UNC80: variants seen among roughly 807,000 people sequenced by gnomAD.
The protein encoded by UNC80 is unc-80 subunit of NALCN channel complex, also known as protein unc-80 homolog.
Under a neutral mutation model 384.6 loss-of-function variants are expected in UNC80, and 164 were observed. The observed-to-expected ratio is 0.43, with a 90% CI of 0.38 to 0.49. UNC80 has a LOEUF of 0.49. Among genes scored for constraint, UNC80 ranks in the 20% least tolerant of loss-of-function variants. The pLI, the probability that UNC80 is intolerant of heterozygous loss-of-function variation, is 0.00. For missense variants in UNC80, 3,330 were observed against 4,143.0 expected, an observed-to-expected ratio of 0.80 and a Z score of 5.39; for synonymous variants, 1,486 against 1,527.8, an observed-to-expected ratio of 0.97 and a Z score of 0.64.
At chr2:209,977,209 T>A in intron 58 of UNC80, 131 bp downstream of exon 58, 1 of 903,440 alleles carries the variant, frequency 1.1e-6, no homozygotes, top group South Asian at 5.1e-5. Context: ...CACTGTTAGA[T>A]TTGACCATTT....
Position 209,971,059 on chromosome 2 carries a change from G to GT in UNC80, c.8256+102_8256+103insT. Reference sequence around the variant, plus strand: ...TCTGCAAAGGCTGGGCAAAATCTGTGAAACAAAAGTGTAAACATCTCTAAA... The same window carrying GT: ...TCTGCAAAGGCTGGGCAAAATCTGTGTAAACAAAAGTGTAAACATCTCTAAA... On this transcript the variant is annotated intron_variant, in intron 54 of 64. Transcript: ENST00000673920. 4 of 1,420,564 alleles carry GT rather than the reference G, an allele frequency of 2.8e-6. No individual in the cohort carries two copies. The Middle Eastern group carries it at 5.6e-4, about 200-fold the overall frequency. The allele number at this position is 1,420,564 out of a possible 1,614,324, so 88.0% of individuals were successfully genotyped here.
chr2:209,877,839 G>T, intron 23 of UNC80, 115 bp from the exon 24 acceptor site: 1 of 1,208,980 alleles, frequency 8.3e-7, no homozygotes, highest in Non-Finnish European at 1.1e-6. Flanking sequence ...TACAGAAGAG[G>T]CTTATGCTGG....
chr2:209,926,804 T>C, intron 35 of UNC80, 39 bp from the exon 36 acceptor site: 2 of 1,549,988 alleles, frequency 1.3e-6, no homozygotes, highest in Non-Finnish European at 1.7e-6. Context: ...AAGAATTACG[T>C]TACTGAGAAA....
chr2:209,787,906 A>G (rs1265973973), intron 5 of UNC80, among the ~76,000 whole-genome samples: 5 of 152,230 alleles, frequency 3.3e-5, no homozygotes, highest in Non-Finnish European at 7.3e-5. Flanking sequence ...GAGATGTTCC[A>G]GAAGAAGGCA....
chr2:209,859,974 G>A (rs150942086), intron 22 of UNC80, among the ~76,000 whole-genome samples: 112 of 152,100 alleles, frequency 7.4e-4, no homozygotes, highest in African/African-American at 2.5e-3. Flanking sequence ...TTCTGTAGGT[G>A]GCTTGTTCAC....
chr2:209,842,566 A>C (rs80303500), intron 21 of UNC80, 120 bp downstream of exon 21: 3 of 747,066 alleles, frequency 4.0e-6, no homozygotes, highest in African/African-American at 3.5e-5. Context: ...TTTCTCATAC[A>C]TGCCTTTTAC....
intron 22 of UNC80, among the ~76,000 whole-genome samples, chr2:209,856,952 G>A (rs2082980142): frequency 2.0e-5 from 3 of 151,980 alleles, no homozygotes; most frequent in Admixed American, 1.3e-4. Context: ...ACCATGCCTG[G>A]CTAAGTTTTG....
intron 44 of UNC80, among the ~76,000 whole-genome samples, chr2:209,942,667 C>T (rs1409264193): frequency 6.6e-6 from 1 of 151,986 alleles, no homozygotes; most frequent in Non-Finnish European, 1.5e-5. Flanking sequence ...CTCTCTTCCT[C>T]ATTTTTAGAT....
rs147348992 is a variant in UNC80 at position 209,948,796 on chromosome 2, T to A, written c.7286+2853T>A. Among the ~76,000 whole-genome samples, 189 of 152,264 alleles carry A rather than the reference T, an allele frequency of 1.2e-3. 3 individuals are homozygous for A. The East Asian group carries it at 0.031, about 25-fold the overall frequency. On this transcript the variant is annotated intron_variant, in intron 47 of 64. Coordinates refer to ENST00000673920, the MANE Select transcript of UNC80 (RefSeq NM_001371986.1). ...ACTAAGAATAGTATTTGCTAAAGGA[T>A]TTTGTTGTAATATACCTGTAAAGAT...
At chr2:209,943,294 G>A in intron 44 of UNC80, 86 bp from the exon 45 acceptor site, 1 of 1,466,874 alleles carries the variant, frequency 6.8e-7, no homozygotes, top group South Asian at 1.4e-5. Flanking sequence ...TTCCCTCCAA[G>A]CTTCCCATGA....
chr2:209,851,365 G>T (rs1403547173), intron 22 of UNC80, among the ~76,000 whole-genome samples: 1 of 152,052 alleles, frequency 6.6e-6, no homozygotes, highest in Non-Finnish European at 1.5e-5. Flanking sequence ...GCACTCCTCA[G>T]CTCCTCCCTG....
chr2:209,951,432 G>A (rs112005227), intron 47 of UNC80: 15,281 of 151,712 alleles, frequency 0.1, 1,906 homozygotes, highest in African/African-American at 0.29. Flanking sequence ...CAAATAGCTG[G>A]GACTACAGGC....
chr2:209,789,682 A>G (rs2077671369), intron 6 of UNC80, 77 bp downstream of exon 6: 1 of 1,057,318 alleles, frequency 9.5e-7, no homozygotes, highest in Admixed American at 2.0e-5. Context: ...GAAAGACATG[A>G]GTTCTAGAAT....
At chr2:209,857,318 G>A (rs1348409607) in intron 22 of UNC80, among the ~76,000 whole-genome samples, 3 of 152,094 alleles carry the variant, frequency 2.0e-5, no homozygotes, top group Non-Finnish European at 4.4e-5. Flanking sequence ...ATTGATTATT[G>A]AAAAGTTCTA....
chr2:209,959,624 G>T lies in UNC80; in HGVS notation c.7722G>T (p.Gly2574=), dbSNP rs780811028. 1.2e-5 allele frequency: 19 copies of T among 1,551,588 alleles called. No homozygotes were observed. Among genetic ancestry groups the T allele is most frequent in the Non-Finnish European group, 1.6e-5 (18 of 1,146,992 alleles). ...GCACTGAGTTCTATAAGCACTGTGG[G>T]CCACGGCTGAAGATCTTGCAAAATC... ...NICTEFYKHC[G]PRLKILQNLA... Residue 2574 remains glycine, a synonymous_variant, in exon 51 of 65, where the codon GGG becomes GGT. Coordinates refer to ENST00000673920, the MANE Select transcript of UNC80 (RefSeq NM_001371986.1).
intron 22 of UNC80, among the ~76,000 whole-genome samples, chr2:209,863,408 C>T (rs934464666): frequency 2.0e-5 from 3 of 152,264 alleles, no homozygotes; most frequent in African/African-American, 4.8e-5. Context: ...GGTTCTCCCG[C>T]ATAATATCCG....
intron 29 of UNC80, among the ~76,000 whole-genome samples, chr2:209,908,306 G>A (rs553199610): frequency 6.6e-6 from 1 of 152,296 alleles, no homozygotes; most frequent in East Asian, 1.9e-4. Context: ...GTGGCAGCTA[G>A]TACATTTTGT....
intron 29 of UNC80, among the ~76,000 whole-genome samples, chr2:209,912,204 T>C (rs2089028343): frequency 6.6e-6 from 1 of 152,176 alleles, no homozygotes; most frequent in South Asian, 2.1e-4. Flanking sequence ...TTTAACTGCT[T>C]GATGAAATAT....
At chr2:209,788,771 A>T (rs1202481461) in intron 5 of UNC80, among the ~76,000 whole-genome samples, 1 of 151,798 alleles carries the variant, frequency 6.6e-6, no homozygotes, top group Non-Finnish European at 1.5e-5. Context: ...TATAAAGTAA[A>T]GTTATAGTAA....
Sources: allele counts gnomAD v4.1 joint callset (sites outside exome capture counted in the v4.1 genomes callset), GRCh38; gene constraint gnomAD v4.1.1; transcripts MANE v1.5; gene names NCBI Gene and HGNC (gene_info 2026-07-23, HGNC 2026-07-21).